Variants in COP1 observed in about 807,000 individuals in gnomAD.
COP1 encodes E3 ubiquitin-protein ligase COP1.
A neutral mutation model predicts 101.3 loss-of-function variants in COP1; 24 were observed. The ratio of observed to expected loss-of-function variants is 0.24; its 90% confidence interval spans 0.17 to 0.33. COP1 has a LOEUF of 0.33. Among genes scored for constraint, COP1 ranks in the 10% least tolerant of loss-of-function variants. The probability of loss-of-function intolerance (pLI) is 1.00; values close to 1 mark genes in which losing one functional copy is unlikely to be tolerated. For missense variants in COP1, 663 were observed against 906.2 expected (o/e 0.73, Z 3.45); for synonymous variants, 347 against 341.9 (o/e 1.01, Z -0.17).
At chr1:176,045,942 AAAG>A (rs1050667956) in intron 12 of COP1, among the ~76,000 whole-genome samples, 11 of 151,842 alleles carry the variant, frequency 7.2e-5, no homozygotes, top group African/African-American at 2.4e-4. Context: ...TGATTAAGTG[AAAG>A]AAGAACTTTA....
At chr1:176,125,293 G>A (rs4652151) in intron 8 of COP1, among the ~76,000 whole-genome samples, 8,073 of 152,018 alleles carry the variant, frequency 0.053, 462 homozygotes, top group Middle Eastern at 0.14. Context: ...TGCTTTGGTT[G>A]CCTGTGATTG....
chr1:176,067,120 G>A (rs1572035736), intron 11 of COP1, among the ~76,000 whole-genome samples: 1 of 152,180 alleles, frequency 6.6e-6, no homozygotes, highest in East Asian at 1.9e-4. Context: ...CCATATATTA[G>A]TCCAAACCCA....
At chr1:175,976,554 A>AG (rs1003916334) in intron 18 of COP1, among the ~76,000 whole-genome samples, 4 of 152,082 alleles carry the variant, frequency 2.6e-5, no homozygotes, top group African/African-American at 9.7e-5. Flanking sequence ...CTGGAATTAC[A>AG]GGCTTGAGCC....
At position 176,007,375 on chromosome 1, in the gene COP1, C is replaced by T. The variant is rs1391571571; in HGVS notation, c.1730-17896G>A. Reference sequence around the variant, plus strand: ...AGTCATTCTCCATCCAGCTTTGTTCCGTTGCTGGTGAGGAACTGCGTTCCT... The same window carrying T: ...AGTCATTCTCCATCCAGCTTTGTTCTGTTGCTGGTGAGGAACTGCGTTCCT... On this transcript the variant is annotated intron_variant, in intron 15 of 19. Coordinates refer to ENST00000367669, the MANE Select transcript of COP1 (RefSeq NM_022457.7). 7.2e-5 allele frequency among the ~76,000 whole-genome samples: 11 copies of T among 152,286 alleles called. 1 individual carries two copies. The South Asian group carries it at 8.3e-4, about 11-fold the overall frequency.
chr1:176,006,699 G>C (rs1008520047), intron 15 of COP1, among the ~76,000 whole-genome samples: 2 of 152,086 alleles, frequency 1.3e-5, no homozygotes, highest in African/African-American at 4.8e-5. Context: ...TGGCTTGTAG[G>C]GTTTCTGCCG....
At chr1:176,178,777 C>T (rs1039214141) in intron 2 of COP1, among the ~76,000 whole-genome samples, 19 of 151,928 alleles carry the variant, frequency 1.3e-4, no homozygotes, top group African/African-American at 4.4e-4. Flanking sequence ...CGCTTGAACC[C>T]GGGAGGTGGA....
chr1:176,178,828 G>A (rs1004972412), intron 2 of COP1, among the ~76,000 whole-genome samples: 2 of 152,140 alleles, frequency 1.3e-5, no homozygotes, highest in Non-Finnish European at 1.5e-5. Context: ...ACTCCAGCCT[G>A]GGCAACAAGA....
At chr1:176,162,610 CTT>C (rs1373150525) in intron 5 of COP1, among the ~76,000 whole-genome samples, 2 of 152,110 alleles carry the variant, frequency 1.3e-5, no homozygotes, top group African/African-American at 4.8e-5. Context: ...GAAAACGAAA[CTT>C]TACTTTCTCA....
chr1:176,076,812 C>G (rs891408257), intron 11 of COP1, among the ~76,000 whole-genome samples: 4 of 151,914 alleles, frequency 2.6e-5, no homozygotes, highest in Non-Finnish European at 5.9e-5. Context: ...CACAGAAATA[C>G]AAAAGATTCT....
intron 18 of COP1, among the ~76,000 whole-genome samples, chr1:175,961,652 G>T (rs1309482854): frequency 6.7e-6 from 1 of 148,526 alleles, no homozygotes; most frequent in Non-Finnish European, 1.5e-5. Context: ...GCCTGAATTG[G>T]GCCACTGCAT....
At chr1:176,055,946 CT>C in intron 11 of COP1, among the ~76,000 whole-genome samples, 1 of 150,408 alleles carries the variant, frequency 6.6e-6, no homozygotes, top group East Asian at 1.9e-4. Context: ...CAGTTAATTC[CT>C]TTTTGAGTAG....
chr1:176,064,424 G>T (rs1184784783), intron 11 of COP1, among the ~76,000 whole-genome samples: 1 of 152,050 alleles, frequency 6.6e-6, no homozygotes, highest in Non-Finnish European at 1.5e-5. Context: ...ACCAACTTTT[G>T]AATCCCTGAG....
intron 15 of COP1, among the ~76,000 whole-genome samples, chr1:176,010,928 T>C (rs1664551180): frequency 6.6e-6 from 1 of 152,166 alleles, no homozygotes; most frequent in Non-Finnish European, 1.5e-5. Flanking sequence ...TTGTCTATAT[T>C]AACATTTCCT....
At chr1:176,184,064 A>C (rs1698132422) in intron 2 of COP1, among the ~76,000 whole-genome samples, 1 of 152,124 alleles carries the variant, frequency 6.6e-6, no homozygotes, top group Non-Finnish European at 1.5e-5. Context: ...ACTGTGGTTA[A>C]AATTATAAAT....
At chr1:176,199,484 C>T (rs1318749086) in intron 1 of COP1, among the ~76,000 whole-genome samples, 1 of 152,012 alleles carries the variant, frequency 6.6e-6, no homozygotes, top group African/African-American at 2.4e-5. Flanking sequence ...TGAATGCTTA[C>T]AGAATTTTCT....
intron 18 of COP1, among the ~76,000 whole-genome samples, chr1:175,975,972 G>C (rs1371752898): frequency 6.6e-6 from 1 of 152,074 alleles, no homozygotes; most frequent in Non-Finnish European, 1.5e-5. Context: ...AATTTGTTTT[G>C]CTATCAATGA....
intron 11 of COP1, among the ~76,000 whole-genome samples, chr1:176,072,020 G>A (rs1190882147): frequency 6.6e-6 from 1 of 152,184 alleles, no homozygotes; most frequent in Admixed American, 6.5e-5. Context: ...CAAAGTTTAA[G>A]CTTAGATTGT....
chr1:176,090,777 T>G (rs970258357), intron 9 of COP1, among the ~76,000 whole-genome samples: 1 of 152,080 alleles, frequency 6.6e-6, no homozygotes, highest in Non-Finnish European at 1.5e-5. Flanking sequence ...GAATAATAGT[T>G]TGAAATATGG....
intron 11 of COP1, among the ~76,000 whole-genome samples, chr1:176,072,045 T>G (rs1423635586): frequency 1.3e-5 from 2 of 152,254 alleles, no homozygotes; most frequent in Non-Finnish European, 2.9e-5. Flanking sequence ...GTTTCCTTTT[T>G]AACCTTTATT....
Sources: gnomAD v4.1 joint callset for allele counts (sites outside exome capture counted in the v4.1 genomes callset) on GRCh38, gnomAD v4.1.1 for gene constraint, MANE v1.5 for transcripts, NCBI Gene and HGNC (gene_info 2026-07-23, HGNC 2026-07-21) for gene names.